The following PSD3 variants were observed in gnomAD, a reference collection of about 807,000 sequenced individuals.
The protein encoded by PSD3 is pleckstrin and Sec7 domain containing 3.
PSD3 carries 49 observed loss-of-function variants against 105.5 expected under a neutral mutation model. The ratio of observed to expected loss-of-function variants is 0.46; its 90% confidence interval spans 0.37 to 0.59. PSD3 has a LOEUF of 0.59. PSD3 is among the 20% of genes least tolerant of loss of function. PSD3 has a pLI of 0.00. For missense variants in PSD3, 1,561 were observed against 1,263.8 expected (o/e 1.24, Z -3.57); for synonymous variants, 557 against 457.8 (o/e 1.22, Z -2.77).
At chr8:18,949,503 T>C (rs1823107871) in intron 1 of PSD3, among the ~76,000 whole-genome samples, 1 of 151,930 alleles carries the variant, frequency 6.6e-6, no homozygotes, top group South Asian at 2.1e-4. Flanking sequence ...ATTGCATTAA[T>C]TTCTGTAAGA....
intron 9 of PSD3, among the ~76,000 whole-genome samples, chr8:18,661,797 A>G (rs1454716002): frequency 6.6e-6 from 1 of 152,230 alleles, no homozygotes; most frequent in Non-Finnish European, 1.5e-5. Flanking sequence ...GATCCATTTT[A>G]GGGAGAAGTA....
intron 15 of PSD3, among the ~76,000 whole-genome samples, chr8:18,544,225 G>T (rs947683348): frequency 5.6e-5 from 8 of 143,218 alleles, no homozygotes; most frequent in African/African-American, 2.1e-4. Context: ...GCTTCTGAAG[G>T]AACTGCTTAT....
intron 12 of PSD3, among the ~76,000 whole-genome samples, chr8:18,593,114 T>G (rs2130509877): frequency 1.3e-5 from 2 of 152,224 alleles, no homozygotes; most frequent in Admixed American, 1.3e-4. Flanking sequence ...AAAGCCAAAA[T>G]TGACAAATGG....
rs551637019 is a variant in PSD3 at position 18,535,807 on chromosome 8, C to T, written c.3080G>A (p.Arg1027His). ...DTSPITAKVK[R>H]NVSERKDHRP... ...GTGATCCTTCCTCTCTGACACGTTA[C>T]GCTTGACTTTGGCAGTGATTGGAGA... is the stretch of plus-strand genomic sequence containing the variant. The change falls in exon 16 of 16, where the codon CGT (arginine) becomes CAT (histidine). Residue 1027 changes from arginine to histidine, a missense_variant. By Grantham distance (29) the Arg-to-His change is conservative (BLOSUM62 0). Coordinates refer to ENST00000327040, the MANE Select transcript of PSD3 (RefSeq NM_015310.4). The T allele has an allele frequency of 1.7e-5, 27 of 1,614,134 alleles. No homozygotes were observed. The African/African-American group carries it at 2.7e-4, about 16-fold the overall frequency.
At chr8:18,875,364 T>C (rs1817662871) in intron 2 of PSD3, among the ~76,000 whole-genome samples, 1 of 152,160 alleles carries the variant, frequency 6.6e-6, no homozygotes, top group African/African-American at 2.4e-5. Context: ...AACAATGAAT[T>C]GAAAAAGATG....
intron 9 of PSD3, among the ~76,000 whole-genome samples, chr8:18,752,529 A>ATATATT: frequency 2.1e-5 from 1 of 48,358 alleles, no homozygotes; most frequent in Admixed American, 4.3e-4. Flanking sequence ...AATATATATA[A>ATATATT]TTATATATTA....
At chr8:18,730,038 G>C (rs1426862130) in intron 9 of PSD3, 1 of 152,078 alleles carries the variant, frequency 6.6e-6, no homozygotes, top group Non-Finnish European at 1.5e-5. Flanking sequence ...TTTTGAAACA[G>C]GAATATCATA....
chr8:18,545,788 C>T (rs1265414486), intron 15 of PSD3, among the ~76,000 whole-genome samples: 1 of 152,130 alleles, frequency 6.6e-6, no homozygotes, highest in Non-Finnish European at 1.5e-5. Flanking sequence ...AGCACATTCC[C>T]AGAGTTCTCC....
chr8:18,817,147 C>T (rs193066231), intron 4 of PSD3, among the ~76,000 whole-genome samples: 1 of 152,296 alleles, frequency 6.6e-6, no homozygotes, highest in African/African-American at 2.4e-5. Flanking sequence ...AATTCACTTA[C>T]AATTTCAAAG....
chr8:18,926,665 T>C lies in PSD3; in HGVS notation c.130+9369A>G, dbSNP rs1173444016. The stretch of plus-strand genomic sequence containing the variant: ...AGAGTGTGGAGAAACTGGAACCCTG[T>C]AAGTAAGAAAAAACACACAGATAAG... On this transcript the variant is annotated intron_variant, in intron 2 of 15. Transcript: ENST00000327040. Among the ~76,000 whole-genome samples, 4 of 152,116 alleles carry C rather than the reference T, an allele frequency of 2.6e-5. No homozygotes were observed. The South Asian group carries it at 8.3e-4, about 31-fold the overall frequency.
chr8:18,973,482 C>A (rs1420182791), intron 1 of PSD3, among the ~76,000 whole-genome samples: 2 of 152,146 alleles, frequency 1.3e-5, no homozygotes, highest in Non-Finnish European at 2.9e-5. Flanking sequence ...TGTGTGTATA[C>A]ACTCTGGTGT....
chr8:18,969,283 G>A (rs569059658), intron 1 of PSD3, among the ~76,000 whole-genome samples: 28 of 152,256 alleles, frequency 1.8e-4, no homozygotes, highest in Non-Finnish European at 8.8e-5. Flanking sequence ...CGTTGACAAA[G>A]TGTCCTACAA....
At chr8:19,018,281 C>G (rs1827238125), upstream of PSD3, among the ~76,000 whole-genome samples, 1 of 151,982 alleles carries the variant, frequency 6.6e-6, no homozygotes, top group Admixed American at 6.6e-5. Flanking sequence ...GAAGACCTCT[C>G]AAGTTTCTTT....
chr8:19,022,986 T>C (rs1827413858), intron 1 of PSD3, among the ~76,000 whole-genome samples: 1 of 152,038 alleles, frequency 6.6e-6, no homozygotes, highest in South Asian at 2.1e-4. Flanking sequence ...CACTCTACCA[T>C]CTTCTCATAC....
At chr8:18,622,423 T>C (rs969524226) in intron 11 of PSD3, among the ~76,000 whole-genome samples, 2 of 152,126 alleles carry the variant, frequency 1.3e-5, no homozygotes, top group African/African-American at 4.8e-5. Context: ...GTAAACACAC[T>C]CTCAGTTTTG....
At chr8:19,043,713 GA>G (rs993005399) in intron 1 of PSD3, among the ~76,000 whole-genome samples, 13 of 152,280 alleles carry the variant, frequency 8.5e-5, no homozygotes, top group Admixed American at 8.5e-4. Flanking sequence ...GGGCTTTTGA[GA>G]GTAGGCTCCT....
At chr8:19,039,675 A>C (rs1000523740) in intron 1 of PSD3, among the ~76,000 whole-genome samples, 1 of 152,186 alleles carries the variant, frequency 6.6e-6, no homozygotes. Flanking sequence ...TCAATAACCC[A>C]GGGATGAAGT....
intron 11 of PSD3, among the ~76,000 whole-genome samples, chr8:18,609,723 A>C (rs1365101159): frequency 6.6e-6 from 1 of 152,244 alleles, no homozygotes; most frequent in Admixed American, 6.5e-5. Flanking sequence ...TGTGCAAAGA[A>C]TTTAAATAAG....
intron 4 of PSD3, among the ~76,000 whole-genome samples, 154 bp from the exon 5 acceptor site, chr8:18,805,052 C>A (rs1184058200): frequency 1.2e-4 from 18 of 151,970 alleles, no homozygotes; most frequent in Non-Finnish European, 1.5e-4. Flanking sequence ...TTTCAGTTAC[C>A]ATATTTTAAA....
Sources: gnomAD v4.1 joint callset for allele counts (sites outside exome capture counted in the v4.1 genomes callset) on GRCh38, gnomAD v4.1.1 for gene constraint, MANE v1.5 for transcripts, NCBI Gene and HGNC (gene_info 2026-07-23, HGNC 2026-07-21) for gene names.